The following CNTNAP4 variants were observed in gnomAD, a reference collection of about 807,000 sequenced individuals.
The protein encoded by CNTNAP4 is contactin-associated protein-like 4.
Under a neutral mutation model 148.4 loss-of-function variants are expected in CNTNAP4, and 98 were observed. The observed-to-expected ratio is 0.66, with a 90% CI of 0.56 to 0.78. The LOEUF (loss-of-function observed/expected upper bound fraction) is 0.78, where lower values mean the gene tolerates loss of function less well. CNTNAP4 is among the 30% of genes least tolerant of loss of function. The pLI, the probability that CNTNAP4 is intolerant of heterozygous loss-of-function variation, is 0.00. For synonymous variants in CNTNAP4, 730 were observed against 565.1 expected (o/e 1.29, Z -4.14); for missense variants, 1,935 against 1,565.6 (o/e 1.24, Z -3.98).
Position 76,507,795 on chromosome 16 carries a change from A to G in CNTNAP4, c.2365+9101A>G, listed in dbSNP as rs1427413509. ...ACCTACTTTCTTGACACACAGCAAGAAGAAGTCTACAGAGACTTTGTGCTA... is the reference window on the plus strand; with the variant it reads ...ACCTACTTTCTTGACACACAGCAAGGAGAAGTCTACAGAGACTTTGTGCTA... On this transcript the variant is annotated intron_variant, in intron 15 of 23. Coordinates refer to ENST00000611870, the MANE Select transcript of CNTNAP4 (RefSeq NM_033401.5). Among the ~76,000 whole-genome samples, 3 of 85,692 alleles carry G rather than the reference A, an allele frequency of 3.5e-5. 1 individual carries two copies. Among genetic ancestry groups the G allele is most frequent in the Non-Finnish European group, 5.9e-5 (2 of 34,096 alleles). The allele number at this position is 85,692 out of a possible 152,430, so 56.2% of individuals were successfully genotyped here.
chr16:76,336,147 T>G (rs909777090), intron 2 of CNTNAP4, among the ~76,000 whole-genome samples: 6 of 152,148 alleles, frequency 3.9e-5, no homozygotes, highest in Non-Finnish European at 8.8e-5. Flanking sequence ...ATTAGGTTGA[T>G]TTTCTACATG....
At chr16:76,483,789 GC>G (rs2081927641) in intron 12 of CNTNAP4, among the ~76,000 whole-genome samples, 1 of 152,144 alleles carries the variant, frequency 6.6e-6, no homozygotes, top group Non-Finnish European at 1.5e-5. Flanking sequence ...TGAATGTCAG[GC>G]AGGCCAAATT....
At chr16:76,390,799 C>G (rs945957981) in intron 3 of CNTNAP4, among the ~76,000 whole-genome samples, 3 of 152,154 alleles carry the variant, frequency 2.0e-5, no homozygotes, top group Non-Finnish European at 4.4e-5. Flanking sequence ...TGGGTTTGCA[C>G]TATAGGACTT....
Position 76,538,272 on chromosome 16 carries a change from C to T in CNTNAP4, c.3152C>T (p.Thr1051Ile). 7.5e-6 allele frequency: 12 copies of T among 1,610,618 alleles called. No homozygotes were observed. The highest frequency in any genetic ancestry group is 9.3e-6 in the Non-Finnish European group (11 of 1,178,672). The change falls in exon 19 of 24, where the codon ACA (threonine) becomes ATA (isoleucine). Residue 1051 changes from threonine to isoleucine, a missense_variant. Transcript: ENST00000611870. ...AAATTTAGTTTCCGAACAACACGAA[C>T]ACCAAGCTTGCTGCTTTTTGTGAGC... The part of the protein sequence containing the change: ...MIKFSFRTTR[T>I]PSLLLFVSSF...
At chr16:76,550,959 C>T (rs974562563) in intron 21 of CNTNAP4, among the ~76,000 whole-genome samples, 2 of 152,052 alleles carry the variant, frequency 1.3e-5, no homozygotes, top group African/African-American at 2.4e-5. Context: ...TGGCTCAATA[C>T]CAGATCCCTC....
chr16:76,457,176 C>T (rs377607674), intron 8 of CNTNAP4, among the ~76,000 whole-genome samples: 1 of 152,138 alleles, frequency 6.6e-6, no homozygotes, highest in East Asian at 1.9e-4. Context: ...TGGTGCGGCC[C>T]TTGAAAAGGG....
At chr16:76,458,549 C>A (rs745648285) in intron 8 of CNTNAP4, among the ~76,000 whole-genome samples, 7 of 151,972 alleles carry the variant, frequency 4.6e-5, no homozygotes, top group Non-Finnish European at 1.0e-4. Context: ...GCATTAGATT[C>A]TCATTAGGAG....
rs1422377931 is a variant in CNTNAP4 at position 76,277,672 on chromosome 16, G to C, written c.10G>C (p.Val4Leu). 1 of 1,603,318 alleles carries C rather than the reference G, an allele frequency of 6.2e-7. No individual in the cohort carries two copies. Among genetic ancestry groups the C allele is most frequent in the Non-Finnish European group, 8.5e-7 (1 of 1,174,342 alleles). MGS[V>L]TGAVLKTLLL... The stretch of plus-strand genomic sequence containing the variant: ...CCCAATAAATGTGAACATGGGATCT[G>C]TCACGGGAGCTGTCCTCAAGACGCT... The change falls in exon 1 of 24, where the codon GTC (valine) becomes CTC (leucine). Residue 4 changes from valine to leucine, a missense_variant. Val to Leu is a conservative substitution (Grantham distance 32, BLOSUM62 1). Transcript: ENST00000611870.
intron 2 of CNTNAP4, among the ~76,000 whole-genome samples, chr16:76,323,782 C>T (rs1348407359): frequency 3.3e-5 from 5 of 152,148 alleles, no homozygotes; most frequent in African/African-American, 1.2e-4. Context: ...GGCCCACAGT[C>T]TTCAGCTCTA....
intron 2 of CNTNAP4, among the ~76,000 whole-genome samples, chr16:76,339,347 G>A (rs894394212): frequency 3.9e-5 from 6 of 151,962 alleles, no homozygotes; most frequent in East Asian, 1.9e-4. Flanking sequence ...AAGCTACTAC[G>A]ATAGGTTATA....
rs1272437416 is a variant in CNTNAP4, at chr16:76,374,482, C to G, written c.390+18971C>G. Reference sequence around the variant, plus strand: ...AGAATAAATACATGAATTAATTAAACTCACAGGGAACTGTGCTCACCTTAA... The same window carrying G: ...AGAATAAATACATGAATTAATTAAAGTCACAGGGAACTGTGCTCACCTTAA... On this transcript the variant is annotated intron_variant, in intron 3 of 23. Coordinates refer to ENST00000611870, the MANE Select transcript of CNTNAP4 (RefSeq NM_033401.5). Among the ~76,000 whole-genome samples, 11 of 152,196 alleles carry G rather than the reference C, an allele frequency of 7.2e-5. No homozygotes were observed. In the East Asian group the frequency reaches 2.1e-3, roughly 29 times the overall value.
rs1406526976 is a variant in CNTNAP4, at chr16:76,316,542, T to A, written c.196+19T>A. On this transcript the variant is annotated intron_variant, in intron 2 of 23. Coordinates refer to ENST00000611870, the MANE Select transcript of CNTNAP4 (RefSeq NM_033401.5). ...AGAGATGGTAAGTCTGCTTTTCTCC[T>A]CTGACTGGCCCATAGAAAATCTCAC... 1.4e-6 allele frequency: 2 copies of A among 1,474,464 alleles called. No homozygotes were observed. Among genetic ancestry groups the A allele is most frequent in the East Asian group, 4.5e-5 (2 of 44,252 alleles). The allele number at this position is 1,474,464 out of a possible 1,614,324, so 91.3% of individuals were successfully genotyped here.
intron 2 of CNTNAP4, 115 bp from the exon 3 acceptor site, chr16:76,355,203 T>G: frequency 1.7e-6 from 1 of 588,580 alleles, no homozygotes; most frequent in Non-Finnish European, 2.7e-6. Context: ...AGTTTCATAT[T>G]TTGGATATTT....
chr16:76,536,030 T>C (rs1568552694), intron 18 of CNTNAP4, among the ~76,000 whole-genome samples: 1 of 152,154 alleles, frequency 6.6e-6, no homozygotes, highest in Non-Finnish European at 1.5e-5. Context: ...AAAACTAGTG[T>C]TTGTTGATGG....
intron 3 of CNTNAP4, among the ~76,000 whole-genome samples, chr16:76,418,404 TA>T (rs146988272): frequency 0.36 from 52,755 of 147,034 alleles, 9,764 homozygotes; most frequent in Middle Eastern, 0.45. Context: ...TATATATATA[TA>T]TTTTTATTAT....
chr16:76,301,365 G>C (rs1015244134), intron 1 of CNTNAP4, among the ~76,000 whole-genome samples: 2 of 152,086 alleles, frequency 1.3e-5, no homozygotes, highest in Admixed American at 1.3e-4. Flanking sequence ...TTTAAAAACT[G>C]TGTTTGAGGC....
At chr16:76,375,257 A>T (rs2144659554) in intron 3 of CNTNAP4, among the ~76,000 whole-genome samples, 1 of 152,142 alleles carries the variant, frequency 6.6e-6, no homozygotes, top group Non-Finnish European at 1.5e-5. Flanking sequence ...CCCTGTCTCC[A>T]CTAAAATTAC....
intron 15 of CNTNAP4, among the ~76,000 whole-genome samples, chr16:76,515,635 C>A (rs984869360): frequency 6.6e-6 from 1 of 152,088 alleles, no homozygotes; most frequent in Non-Finnish European, 1.5e-5. Flanking sequence ...GCAGCCTGGG[C>A]AGACTAACAC....
intron 1 of CNTNAP4, among the ~76,000 whole-genome samples, chr16:76,296,478 G>T (rs916604958): frequency 1.3e-5 from 2 of 152,176 alleles, no homozygotes; most frequent in Non-Finnish European, 2.9e-5. Flanking sequence ...TTGGTAAAAT[G>T]ATAAAATGGA....
Sources: gnomAD v4.1 joint callset for allele counts (sites outside exome capture counted in the v4.1 genomes callset) on GRCh38, gnomAD v4.1.1 for gene constraint, MANE v1.5 for transcripts, NCBI Gene and HGNC (gene_info 2026-07-23, HGNC 2026-07-21) for gene names.